The following ESRRG variants were observed in gnomAD, a reference collection of about 807,000 sequenced individuals.
The protein encoded by ESRRG is estrogen-related receptor gamma.
Under a neutral mutation model 44.0 loss-of-function variants are expected in ESRRG, and 13 were observed. That is an observed-to-expected ratio of 0.30 (90% confidence interval 0.19 to 0.47). ESRRG has a LOEUF of 0.47. Among genes scored for constraint, ESRRG ranks in the 20% least tolerant of loss-of-function variants. The pLI, the probability that ESRRG is intolerant of heterozygous loss-of-function variation, is 1.00. For missense variants in ESRRG, 395 were observed against 580.6 expected (o/e 0.68, Z 3.29); for synonymous variants, 215 against 214.6 (o/e 1.00, Z -0.02).
intron 2 of ESRRG, among the ~76,000 whole-genome samples, chr1:216,761,065 C>T (rs1469460180): frequency 2.6e-5 from 4 of 151,840 alleles, no homozygotes; most frequent in African/African-American, 9.7e-5. Flanking sequence ...CAACCTCCCC[C>T]TGGGGACAGG....
intron 1 of ESRRG, 22 bp from the exon 2 acceptor site, chr1:216,677,513 G>A: frequency 6.4e-7 from 1 of 1,571,940 alleles, no homozygotes; most frequent in Admixed American, 1.8e-5. Flanking sequence ...GAGATACAAA[G>A]AGAGACAGAA....
rs562597462 is a variant in ESRRG, at chr1:217,057,131, T to TTTGAGCCATATGGAAC, written c.-106+32360_-106+32375dup. Among the ~76,000 whole-genome samples, 13 of 152,268 alleles carry TTTGAGCCATATGGAAC rather than the reference T, an allele frequency of 8.5e-5. No homozygotes were observed. The East Asian group carries it at 2.3e-3, about 27-fold the overall frequency. The stretch of plus-strand genomic sequence containing the variant: ...AGAAACTACTGAGAGTGGCTTCACA[T>TTTGAGCCATATGGAAC]TTGAGCCATATGGAACAAGAGTCTA... On this transcript the variant is annotated intron_variant, in intron 1 of 7. Transcript: ENST00000359162.
chr1:216,907,741 C>T (rs1353501618), intron 2 of ESRRG, among the ~76,000 whole-genome samples: 1 of 152,088 alleles, frequency 6.6e-6, no homozygotes, highest in Non-Finnish European at 1.5e-5. Context: ...AGACACCTCC[C>T]CCATCAAATC....
intron 1 of ESRRG, among the ~76,000 whole-genome samples, chr1:216,711,780 T>C (rs2083654053): frequency 6.6e-6 from 1 of 152,224 alleles, no homozygotes; most frequent in South Asian, 2.1e-4. Context: ...AATTCATGTG[T>C]CTCCCATCAT....
intron 2 of ESRRG, among the ~76,000 whole-genome samples, chr1:216,872,365 T>C (rs2096270695): frequency 6.6e-6 from 1 of 152,184 alleles, no homozygotes. Flanking sequence ...TTTTGGCCAT[T>C]ATTTCTTCAA....
At chr1:216,709,637 C>T (rs2083190788) in intron 1 of ESRRG, among the ~76,000 whole-genome samples, 2 of 151,712 alleles carry the variant, frequency 1.3e-5, no homozygotes, top group Admixed American at 1.3e-4. Context: ...ATACAGACCC[C>T]TTTATTAACT....
intron 2 of ESRRG, among the ~76,000 whole-genome samples, chr1:216,917,086 G>C (rs1051624751): frequency 1.3e-5 from 2 of 150,298 alleles, no homozygotes; most frequent in African/African-American, 4.9e-5. Flanking sequence ...AGAATCTCAG[G>C]GTCTCTCCCT....
chr1:217,046,174 A>C (rs942083057), intron 1 of ESRRG, among the ~76,000 whole-genome samples: 1 of 152,096 alleles, frequency 6.6e-6, no homozygotes, highest in Non-Finnish European at 1.5e-5. Context: ...AAAAAAAAAA[A>C]AACCTAAAAT....
intron 2 of ESRRG, chr1:216,805,477 G>C (rs1051901155): frequency 6.6e-6 from 1 of 152,130 alleles, no homozygotes; most frequent in South Asian, 2.1e-4. Flanking sequence ...CCAGTAACAC[G>C]ATACCATGAA....
intron 3 of ESRRG, among the ~76,000 whole-genome samples, chr1:216,610,118 G>T (rs974138026): frequency 2.0e-5 from 3 of 151,742 alleles, no homozygotes; most frequent in African/African-American, 7.3e-5. Context: ...CATACATTTA[G>T]CAATAGAAAT....
intron 1 of ESRRG, among the ~76,000 whole-genome samples, chr1:217,099,089 G>T (rs2092467065): frequency 6.6e-6 from 1 of 152,126 alleles, no homozygotes; most frequent in Non-Finnish European, 1.5e-5. Flanking sequence ...TGAGGGCAGG[G>T]CATTCTTCAG....
At chr1:216,873,216 T>TTG (rs2096283880) in intron 2 of ESRRG, among the ~76,000 whole-genome samples, 1 of 143,756 alleles carries the variant, frequency 7.0e-6, no homozygotes, top group Admixed American at 6.8e-5. Context: ...TCAGTTTTTT[T>TTG]TTTTTTTTTT....
chr1:216,631,862 T>C (rs921226009), intron 3 of ESRRG, among the ~76,000 whole-genome samples: 1 of 152,210 alleles, frequency 6.6e-6, no homozygotes, highest in Middle Eastern at 3.4e-3. Context: ...TGAGAAGCTC[T>C]CTGGCTTTGA....
At position 216,522,306 on chromosome 1, in the gene ESRRG, G is replaced by A. The variant is rs568531916; in HGVS notation, c.863-2885C>T. ...TTTTGGTGAGGGAGCATGAGGAGAC[G>A]GATATAGCACAAAAGGTTTGACACA... On this transcript the variant is annotated intron_variant, in intron 5 of 6. Coordinates refer to ENST00000408911, the MANE Select transcript of ESRRG (RefSeq NM_001438.4). Among the ~76,000 whole-genome samples, 204 of 126,816 alleles carry A rather than the reference G, an allele frequency of 1.6e-3. 1 individual carries two copies. The highest frequency in any genetic ancestry group is 2.2e-3 in the Non-Finnish European group (138 of 63,506). The allele number at this position is 126,816 out of a possible 152,430, so 83.2% of individuals were successfully genotyped here. A position where few individuals can be genotyped will look rare whatever the true frequency, so the allele number is the denominator to read the frequency against.
chr1:216,727,532 C>T (rs1174809964), upstream of ESRRG, among the ~76,000 whole-genome samples: 1 of 152,084 alleles, frequency 6.6e-6, no homozygotes, highest in Non-Finnish European at 1.5e-5. Flanking sequence ...CTTAAGAACA[C>T]ACCTTTCCCA....
intron 1 of ESRRG, among the ~76,000 whole-genome samples, chr1:217,070,487 T>C (rs2151441658): frequency 6.6e-6 from 1 of 152,218 alleles, no homozygotes; most frequent in East Asian, 1.9e-4. Context: ...GTTCAAGCGA[T>C]TCTCCTGCCT....
intron 1 of ESRRG, among the ~76,000 whole-genome samples, chr1:217,025,125 C>T (rs568869933): frequency 1.3e-5 from 2 of 152,160 alleles, no homozygotes; most frequent in Admixed American, 6.5e-5. Flanking sequence ...CAGCTGTGCT[C>T]GATAAGTCCC....
chr1:216,591,163 G>A (rs1314312363), intron 3 of ESRRG, among the ~76,000 whole-genome samples: 1 of 152,156 alleles, frequency 6.6e-6, no homozygotes, highest in African/African-American at 2.4e-5. Context: ...TAAAAACTTA[G>A]AACTTTCAGC....
intron 1 of ESRRG, among the ~76,000 whole-genome samples, chr1:217,085,178 G>A (rs970506282): frequency 3.3e-5 from 5 of 152,024 alleles, no homozygotes; most frequent in African/African-American, 7.2e-5. Context: ...GAGACATAAA[G>A]AGTTGCAATA....
Sources: allele counts gnomAD v4.1 joint callset (sites outside exome capture counted in the v4.1 genomes callset), GRCh38; gene constraint gnomAD v4.1.1; transcripts MANE v1.5; gene names NCBI Gene and HGNC (gene_info 2026-07-23, HGNC 2026-07-21).